Variants in CDK5RAP3 observed in about 807,000 individuals in gnomAD.
The protein encoded by CDK5RAP3 is CDK5 regulatory subunit associated protein 3, also known as CDK5 regulatory subunit-associated protein 3.
CDK5RAP3 carries 58 observed loss-of-function variants against 73.3 expected under a neutral mutation model. That is an observed-to-expected ratio of 0.79 (90% CI 0.64 to 0.98). The LOEUF (loss-of-function observed/expected upper bound fraction) is 0.98. Among genes scored for constraint, CDK5RAP3 ranks in the 50% least tolerant of loss-of-function variants. The pLI, the probability that CDK5RAP3 is intolerant of heterozygous loss-of-function variation, is 0.00. For missense variants in CDK5RAP3, 525 were observed against 615.8 expected, an observed-to-expected ratio of 0.85 and a Z score of 1.56; for synonymous variants, 224 against 247.5, an observed-to-expected ratio of 0.91 and a Z score of 0.89.
chr17:47,981,048 AG>A, intron 12 of CDK5RAP3, 114 bp from the exon 13 acceptor site: 1 of 1,160,276 alleles, frequency 8.6e-7, no homozygotes, highest in Non-Finnish European at 1.2e-6. Context: ...TAAGGATGTG[AG>A]GGTAAGCGGC....
upstream of CDK5RAP3, among the ~76,000 whole-genome samples, chr17:47,969,326 G>A (rs760070070): frequency 1.4e-4 from 22 of 152,040 alleles, no homozygotes; most frequent in Non-Finnish European, 2.4e-4. Flanking sequence ...GGAGGCTGAA[G>A]CGGGAGAATC....
rs776864294 is a variant in CDK5RAP3 at position 47,976,833 on chromosome 17, C to T, written c.909+11C>T. 4.6e-6 allele frequency: 7 copies of T among 1,532,234 alleles called. No homozygotes were observed. The South Asian group carries it at 7.0e-5, about 15-fold the overall frequency. The allele number at this position is 1,532,234 out of a possible 1,614,324, so 94.9% of individuals were successfully genotyped here. A position where few individuals can be genotyped will look rare whatever the true frequency, so the allele number is the denominator to read the frequency against. ...GAATCAGATTCAAAGGTGAGGAGGC[C>T]TTCTCAGTCTGTCTCTCTCTGATCA... is the stretch of plus-strand genomic sequence containing the variant. On this transcript the variant is annotated intron_variant, in intron 9 of 13. Transcript: ENST00000338399.
At chr17:47,981,372 C>T in intron 13 of CDK5RAP3, 38 bp downstream of exon 13, 1 of 1,614,152 alleles carries the variant, frequency 6.2e-7, no homozygotes, top group Non-Finnish European at 8.5e-7. Flanking sequence ...TGGGAGGACT[C>T]CCAGTCTGTG....
intron 3 of CDK5RAP3, 58 bp from the exon 4 acceptor site, chr17:47,973,873 G>A: frequency 7.2e-7 from 1 of 1,389,486 alleles, no homozygotes; most frequent in Non-Finnish European, 1.0e-6. Flanking sequence ...CACCTGCAGT[G>A]CCCAGAGTAG....
Position 47,975,497 on chromosome 17 carries a change from T to G in CDK5RAP3, c.514-17T>G. 6.2e-7 allele frequency: 1 copy of G among 1,610,242 alleles called. No homozygotes were observed. On this transcript the variant is annotated splice_polypyrimidine_tract_variant and intron_variant, in intron 6 of 13. Transcript: ENST00000338399. ...TTTCTTCAATCTGTTGGACTCCACC[T>G]CTTCTCCCCTCTCTAGGGCGAAAAT...
chr17:47,973,787 G>C, intron 3 of CDK5RAP3, 137 bp downstream of exon 3: 1 of 1,262,036 alleles, frequency 7.9e-7, no homozygotes, highest in Non-Finnish European at 1.1e-6. Flanking sequence ...ATAGATGCTG[G>C]CTTCTTCCAC....
In CDK5RAP3 at chr17:47,981,160, C is replaced by A. The variant is rs776156733; in HGVS notation, c.1284-3C>A. The A allele has an allele frequency of 6.2e-7, 1 of 1,613,086 alleles. No homozygotes were observed. Among genetic ancestry groups the A allele is most frequent in the Admixed American group, 1.7e-5 (1 of 59,996 alleles). ...CCAGCACTCACCTGAGTGCCCCGCA[C>A]AGGTATGTGGACCGAGTGACTGAAT... On this transcript the variant is annotated splice_region_variant and splice_polypyrimidine_tract_variant and intron_variant, in intron 12 of 13. Transcript: ENST00000338399.
intron 2 of CDK5RAP3, among the ~76,000 whole-genome samples, chr17:47,972,579 G>T (rs1018507660): frequency 6.6e-6 from 1 of 151,914 alleles, no homozygotes; most frequent in African/African-American, 2.4e-5. Flanking sequence ...CTTCAGATTT[G>T]TACTGGCCCT....
intron 3 of CDK5RAP3, 65 bp downstream of exon 3, chr17:47,973,715 A>T (rs1444059831): frequency 1.3e-6 from 2 of 1,587,046 alleles, no homozygotes; most frequent in African/African-American, 1.3e-5. Context: ...CAGCTGAGCT[A>T]CTCTCTTGTT....
At chr17:47,977,187 C>T (rs527748600) in intron 9 of CDK5RAP3, among the ~76,000 whole-genome samples, 16 of 152,008 alleles carry the variant, frequency 1.1e-4, no homozygotes, top group East Asian at 3.9e-4. Flanking sequence ...CTCACTCTGT[C>T]GCCCAGGCTG....
In CDK5RAP3 at chr17:47,975,320, A is replaced by C. The variant is rs2036375750; in HGVS notation, c.496A>C (p.Lys166Gln). 6.2e-7 allele frequency: 1 copy of C among 1,614,134 alleles called. No homozygotes were observed. Among genetic ancestry groups the C allele is most frequent in the Non-Finnish European group, 8.5e-7 (1 of 1,180,026 alleles). Residue 166 changes from lysine (K) to glutamine (Q), a missense_variant, in exon 6 of 14, where the codon AAG becomes CAG. Transcript: ENST00000338399. ...EMREQFYHSCKQYGITGENVR... is the reference protein window; with the variant it reads ...EMREQFYHSCQQYGITGENVR... ...GCGGGAGCAGTTCTACCACTCCTGCAAGCAGTATGGCATCACGGTGAGCGG... is the reference window on the plus strand; with the variant it reads ...GCGGGAGCAGTTCTACCACTCCTGCCAGCAGTATGGCATCACGGTGAGCGG...
rs746664739 is a variant in CDK5RAP3 at position 47,981,253 on chromosome 17, G to A, written c.1374G>A (p.Gln458=). 6.2e-7 allele frequency: 1 copy of A among 1,614,244 alleles called. No homozygotes were observed. The highest frequency in any genetic ancestry group is 1.1e-5 in the South Asian group (1 of 91,084). Residue 458 remains glutamine (Q), a synonymous_variant, in exon 13 of 14, where the codon CAG becomes CAA. Transcript: ENST00000338399. Reference sequence around the variant, plus strand: ...AGAAAGAGCTGATGGTGCAGAAGCAGCAGGAGGCACTTGAGGAGCAGGCGG... The same window carrying A: ...AGAAAGAGCTGATGGTGCAGAAGCAACAGGAGGCACTTGAGGAGCAGGCGG... The part of the protein sequence containing the change: ...ALKKELMVQK[Q]QEALEEQAAL...
At chr17:47,978,941 A>G (rs765652238) in intron 11 of CDK5RAP3, 24 bp downstream of exon 11, 1 of 1,582,086 alleles carries the variant, frequency 6.3e-7, no homozygotes, top group Non-Finnish European at 8.7e-7. Context: ...TGGAAGATGC[A>G]GGGGGGAGGC....
upstream of CDK5RAP3, among the ~76,000 whole-genome samples, chr17:47,969,962 C>T (rs2036229991): frequency 6.6e-6 from 1 of 152,198 alleles, no homozygotes; most frequent in Admixed American, 6.5e-5. Flanking sequence ...ACCCAAACAG[C>T]CAATCAATTG....
chr17:47,976,055 G>A (rs769394027), intron 8 of CDK5RAP3, 42 bp downstream of exon 8: 3 of 1,596,784 alleles, frequency 1.9e-6, no homozygotes, highest in Admixed American at 3.4e-5. Context: ...TGGAGTGGGA[G>A]CTGCTTGTCC....
intron 2 of CDK5RAP3, among the ~76,000 whole-genome samples, chr17:47,972,959 G>A (rs1029770614): frequency 2.0e-5 from 3 of 152,136 alleles, no homozygotes; most frequent in Admixed American, 1.3e-4. Context: ...ACAAATCTGG[G>A]CCCAGACTTT....
chr17:47,968,367 T>C (rs777822510), upstream of CDK5RAP3, among the ~76,000 whole-genome samples: 5 of 152,160 alleles, frequency 3.3e-5, no homozygotes, highest in Admixed American at 6.5e-5. Flanking sequence ...CAGGCTGGAG[T>C]GCAGTGGCGC....
chr17:47,979,893 G>C (rs569027200), intron 11 of CDK5RAP3: 1 of 152,356 alleles, frequency 6.6e-6, no homozygotes, highest in African/African-American at 2.4e-5. Flanking sequence ...GGATTGATAA[G>C]TTAATATGGC....
At position 47,980,649 on chromosome 17, in the gene CDK5RAP3, G is replaced by A; in HGVS notation, c.1134G>A (p.Leu378=). The A allele has an allele frequency of 6.2e-7, 1 of 1,613,982 alleles. No individual in the cohort carries two copies. Among genetic ancestry groups the A allele is most frequent in the Non-Finnish European group, 8.5e-7 (1 of 1,180,032 alleles). ...AVELSEEADV[L]SVSQFQLAPA... ...AGTTGAGTGAGGAGGCAGATGTCCT[G>A]TCTGTGAGCCAGTTCCAGCTGGCTC... Residue 378 remains leucine (L), a synonymous_variant, in exon 12 of 14, where the codon CTG becomes CTA. Transcript: ENST00000338399.
Sources: allele counts gnomAD v4.1 joint callset (sites outside exome capture counted in the v4.1 genomes callset), GRCh38; gene constraint gnomAD v4.1.1; transcripts MANE v1.5; gene names NCBI Gene and HGNC (gene_info 2026-07-23, HGNC 2026-07-21).